The following CAPN14 variants were observed in gnomAD, a reference collection of about 807,000 sequenced individuals.
The protein encoded by CAPN14 is calpain 14.
A neutral mutation model predicts 101.3 loss-of-function variants in CAPN14; 94 were observed. That is an observed-to-expected ratio of 0.93 (90% CI 0.79 to 1.10). The LOEUF (loss-of-function observed/expected upper bound fraction) is 1.10, where lower values mean the gene tolerates loss of function less well. Ranked by LOEUF, CAPN14 falls within the 50% of genes least tolerant of loss-of-function variation. CAPN14 has a pLI of 0.00. For missense variants in CAPN14, 837 were observed against 828.4 expected, an observed-to-expected ratio of 1.01 and a Z score of -0.13; for synonymous variants, 338 against 317.9, an observed-to-expected ratio of 1.06 and a Z score of -0.67.
chr2:31,225,974 T>C (rs1221645192), intron 2 of CAPN14, among the ~76,000 whole-genome samples: 1 of 152,182 alleles, frequency 6.6e-6, no homozygotes, highest in African/African-American at 2.4e-5. Flanking sequence ...AGGGCGACTA[T>C]TCATACCAGA....
In CAPN14 at chr2:31,197,315, G is replaced by A. The variant is rs767818823; in HGVS notation, c.809C>T (p.Pro270Leu). 2 of 1,550,608 alleles carry A rather than the reference G, an allele frequency of 1.3e-6. No individual in the cohort carries two copies. The change falls in exon 8 of 22, where the codon CCT becomes CTT. Residue 270 changes from proline (P) to leucine (L), a missense_variant. Coordinates refer to ENST00000403897, the MANE Select transcript of CAPN14 (RefSeq NM_001145122.2). ...GTTCCGTAGCTTGACGAGATATTCA[G>A]GTCTATGTTTGCAGGTCACCTGCAT... ...GIRKVTCKHRPEYLVKLRNPW... is the reference protein window; with the variant it reads ...GIRKVTCKHRLEYLVKLRNPW...
intron 11 of CAPN14, 98 bp from the exon 12 acceptor site, chr2:31,191,505 T>C (rs1451884011): frequency 1.7e-6 from 2 of 1,176,588 alleles, no homozygotes; most frequent in Admixed American, 4.8e-5. Context: ...GAAACCCGAA[T>C]AGAAGCTGAT....
chr2:31,191,195 T>C (rs541498209), intron 12 of CAPN14, among the ~76,000 whole-genome samples: 28 of 152,280 alleles, frequency 1.8e-4, no homozygotes, highest in African/African-American at 6.5e-4. Context: ...TGAGGATCTC[T>C]TGGGGGTCTT....
intron 1 of CAPN14, among the ~76,000 whole-genome samples, chr2:31,229,679 CAAAAAAA>C (rs3031884): frequency 1.7e-4 from 17 of 99,050 alleles, no homozygotes; most frequent in African/African-American, 5.4e-4. Context: ...ACCCTATGTC[CAAAAAAA>C]AAAAAAAAAA....
chr2:31,223,561 G>C (rs1302561552), intron 2 of CAPN14, among the ~76,000 whole-genome samples: 1 of 123,332 alleles, frequency 8.1e-6, no homozygotes, highest in Non-Finnish European at 1.6e-5. Flanking sequence ...TTTTTTTTGA[G>C]ATGGAGTCCC....
chr2:31,203,178 C>T, intron 2 of CAPN14, 39 bp from the exon 3 acceptor site: 2 of 1,523,544 alleles, frequency 1.3e-6, no homozygotes, highest in Non-Finnish European at 8.9e-7. Flanking sequence ...TGACCTAGAA[C>T]AAAAAAGCTC....
rs1363195636 is a variant in CAPN14 at position 31,192,058 on chromosome 2, C to A, written c.1155G>T (p.Trp385Cys). 2.6e-6 allele frequency: 4 copies of A among 1,551,018 alleles called. No individual in the cohort carries two copies. The highest frequency in any genetic ancestry group is 2.0e-5 in the Admixed American group (1 of 50,924). Residue 385 changes from tryptophan (W) to cysteine (C), a missense_variant, in exon 11 of 22, where the codon TGG (tryptophan) becomes TGT (cysteine). By Grantham distance (215) the Trp-to-Cys change is radical. Coordinates refer to ENST00000403897, the MANE Select transcript of CAPN14 (RefSeq NM_001145122.2). ...WKNPQFLLSV[W>C]RPEEGRRSLR... ...GGGATCTCCTGCCCTCCTCGGGCCTCCAGACAGACAGCAGGAACTGCGGGT... is the reference window on the plus strand; with the variant it reads ...GGGATCTCCTGCCCTCCTCGGGCCTACAGACAGACAGCAGGAACTGCGGGT...
chr2:31,228,541 A>C (rs1276037744), intron 1 of CAPN14: 1 of 152,242 alleles, frequency 6.6e-6, no homozygotes, highest in Admixed American at 6.5e-5. Flanking sequence ...ATGAAGTGAA[A>C]GAAGTTGCTC....
rs975142034 is a variant in CAPN14 at position 31,202,523 on chromosome 2, G to A, written c.296-271C>T. Among the ~76,000 whole-genome samples, 5 of 152,060 alleles carry A rather than the reference G, an allele frequency of 3.3e-5. No individual in the cohort carries two copies. In the East Asian group the frequency reaches 9.6e-4, roughly 29 times the overall value. On this transcript the variant is annotated intron_variant, in intron 3 of 21. Coordinates refer to ENST00000403897, the MANE Select transcript of CAPN14 (RefSeq NM_001145122.2). ...AGATTCCTGAATGCCCTATCCTCAG[G>A]AATTGGGACCTCAACGCCACTCACT...
intron 2 of CAPN14, among the ~76,000 whole-genome samples, chr2:31,204,672 A>T (rs1006953694): frequency 6.6e-6 from 1 of 152,134 alleles, no homozygotes; most frequent in Non-Finnish European, 1.5e-5. Context: ...AGGGTGCCAC[A>T]ACCAGGGAGG....
Position 31,202,020 on chromosome 2 carries a change from G to A in CAPN14, c.415-22C>T, listed in dbSNP as rs1027619296. On this transcript the variant is annotated intron_variant, in intron 4 of 21. Coordinates refer to ENST00000403897, the MANE Select transcript of CAPN14 (RefSeq NM_001145122.2). ...AGAACTGGAGGGAGAGAGTGGCCCC[G>A]GGTGAATGAGGACTGCTGCAGATGG... 19 of 1,550,888 alleles carry A rather than the reference G, an allele frequency of 1.2e-5. No individual in the cohort carries two copies. In the Admixed American group the frequency reaches 1.6e-4, roughly 13 times the overall value.
At chr2:31,191,167 G>C (rs1399568266) in intron 12 of CAPN14, among the ~76,000 whole-genome samples, 1 of 152,034 alleles carries the variant, frequency 6.6e-6, no homozygotes, top group African/African-American at 2.4e-5. Flanking sequence ...TAGGCTCTAA[G>C]ACTTTCCCAT....
At chr2:31,188,819 T>C (rs959888004) in intron 13 of CAPN14, among the ~76,000 whole-genome samples, 2 of 152,144 alleles carry the variant, frequency 1.3e-5, no homozygotes, top group African/African-American at 2.4e-5. Context: ...CTCCCTTCAT[T>C]TGAACAACCC....
intron 2 of CAPN14, among the ~76,000 whole-genome samples, chr2:31,226,154 A>T (rs1393592210): frequency 6.6e-6 from 1 of 152,202 alleles, no homozygotes; most frequent in Non-Finnish European, 1.5e-5. Context: ...AAGATCATTG[A>T]ACCGAGAGAA....
Position 31,177,153 on chromosome 2 carries a change from C to G in CAPN14, c.1856-11G>C, listed in dbSNP as rs552534859. The G allele has an allele frequency of 2.5e-5, 39 of 1,541,836 alleles. No individual in the cohort carries two copies. The highest frequency in any genetic ancestry group is 4.1e-5 in the African/African-American group (3 of 72,914). On this transcript the variant is annotated splice_polypyrimidine_tract_variant and intron_variant, in intron 19 of 21. Coordinates refer to ENST00000403897, the MANE Select transcript of CAPN14 (RefSeq NM_001145122.2). ...CACTGAGCATGATTCCTGCATTGAG[C>G]ACAAGCTCCTGCTGTGGGTATTGGG...
chr2:31,227,369 G>A (rs1683054962), intron 1 of CAPN14, among the ~76,000 whole-genome samples: 3 of 151,250 alleles, frequency 2.0e-5, no homozygotes, highest in Admixed American at 6.7e-5. Flanking sequence ...TGTTATTCCT[G>A]GACAGCCCAT....
chr2:31,232,229 C>A (rs1683217069), intron 1 of CAPN14, among the ~76,000 whole-genome samples: 1 of 152,194 alleles, frequency 6.6e-6, no homozygotes, highest in Admixed American at 6.5e-5. Context: ...GGAAGAGCTT[C>A]TCCAATGATC....
In CAPN14 at chr2:31,203,061, C is replaced by A; in HGVS notation, c.295+9G>T. ...CTAGTGTCTGTCTCTCGGGGCTGTG[C>A]AAACTTACCTACTATCCCCTGGCAC... is the stretch of plus-strand genomic sequence containing the variant. On this transcript the variant is annotated intron_variant, in intron 3 of 21. Transcript: ENST00000403897. The A allele has an allele frequency of 6.4e-7, 1 of 1,551,218 alleles. No homozygotes were observed. The highest frequency in any genetic ancestry group is 8.7e-7 in the Non-Finnish European group (1 of 1,146,648).
intron 2 of CAPN14, among the ~76,000 whole-genome samples, chr2:31,203,757 G>C (rs1441964864): frequency 6.6e-6 from 1 of 152,076 alleles, no homozygotes; most frequent in Non-Finnish European, 1.5e-5. Flanking sequence ...CACACAGTAG[G>C]GACTTCATAA....
Sources: allele counts gnomAD v4.1 joint callset (sites outside exome capture counted in the v4.1 genomes callset), GRCh38; gene constraint gnomAD v4.1.1; transcripts MANE v1.5; gene names NCBI Gene and HGNC (gene_info 2026-07-23, HGNC 2026-07-21).